Variants in PARD3B observed in about 807,000 individuals in gnomAD.
PARD3B encodes par-3 family cell polarity regulator beta, also known as partitioning defective 3 homolog B.
A neutral mutation model predicts 130.2 loss-of-function variants in PARD3B; 103 were observed. The observed-to-expected ratio is 0.79, with a 90% CI of 0.67 to 0.93. PARD3B has a LOEUF of 0.93. PARD3B is among the 40% of genes least tolerant of loss of function. The pLI is 0.00. For synonymous variants in PARD3B, 583 were observed against 553.2 expected, an observed-to-expected ratio of 1.05 and a Z score of -0.76; for missense variants, 1,609 against 1,499.2, an observed-to-expected ratio of 1.07 and a Z score of -1.21.
At chr2:204,676,936 G>C (rs892362070) in intron 1 of PARD3B, among the ~76,000 whole-genome samples, 11 of 152,110 alleles carry the variant, frequency 7.2e-5, no homozygotes, top group Admixed American at 6.5e-4. Flanking sequence ...CCAAAGTGCT[G>C]GGATTACAGG....
intron 1 of PARD3B, among the ~76,000 whole-genome samples, chr2:204,624,718 A>G (rs1219521566): frequency 6.6e-6 from 1 of 152,116 alleles, no homozygotes; most frequent in Admixed American, 6.6e-5. Flanking sequence ...TGGACAAAGG[A>G]CAGAATTTTC....
chr2:205,277,971 G>A (rs904168063), intron 16 of PARD3B, among the ~76,000 whole-genome samples: 2 of 152,110 alleles, frequency 1.3e-5, no homozygotes, highest in Non-Finnish European at 2.9e-5. Flanking sequence ...GAAAGAAAGG[G>A]CACTGGTACC....
chr2:204,829,464 T>G (rs1221089081), intron 2 of PARD3B, among the ~76,000 whole-genome samples: 2 of 152,190 alleles, frequency 1.3e-5, no homozygotes, highest in African/African-American at 4.8e-5. Context: ...GAGAGGGCAT[T>G]TTCTTTTCAT....
intron 15 of PARD3B, among the ~76,000 whole-genome samples, chr2:205,210,878 G>A (rs963014286): frequency 6.6e-6 from 1 of 152,056 alleles, no homozygotes; most frequent in Non-Finnish European, 1.5e-5. Flanking sequence ...AATTTCTAAA[G>A]TAAATATCAC....
intron 19 of PARD3B, among the ~76,000 whole-genome samples, chr2:205,402,911 T>C (rs1235019517): frequency 6.6e-6 from 1 of 152,172 alleles, no homozygotes; most frequent in Non-Finnish European, 1.5e-5. Context: ...TGCTATAGAA[T>C]TAATGACCAA....
chr2:205,264,997 A>G (rs946102712), intron 16 of PARD3B, among the ~76,000 whole-genome samples: 1 of 151,162 alleles, frequency 6.6e-6, no homozygotes, highest in Non-Finnish European at 1.5e-5. Flanking sequence ...GTTGGCATTA[A>G]TGCTGAAGTT....
intron 3 of PARD3B, among the ~76,000 whole-genome samples, chr2:205,003,028 A>T (rs1052876253): frequency 3.3e-5 from 5 of 152,200 alleles, no homozygotes; most frequent in East Asian, 1.9e-4. Context: ...ACTTAACAAG[A>T]CTGAGTTCCT....
intron 2 of PARD3B, among the ~76,000 whole-genome samples, chr2:204,878,061 A>G (rs1016082896): frequency 3.3e-5 from 5 of 152,188 alleles, no homozygotes; most frequent in African/African-American, 9.6e-5. Context: ...AATGTTATTT[A>G]CTTGCATCTA....
At chr2:204,961,160 A>G (rs1690711686) in intron 2 of PARD3B, among the ~76,000 whole-genome samples, 1 of 152,180 alleles carries the variant, frequency 6.6e-6, no homozygotes, top group African/African-American at 2.4e-5. Flanking sequence ...GTGGGAAAGT[A>G]TTAAAGGAGT....
intron 2 of PARD3B, among the ~76,000 whole-genome samples, chr2:204,724,075 G>C (rs1202835427): frequency 6.6e-6 from 1 of 152,082 alleles, no homozygotes; most frequent in East Asian, 1.9e-4. Flanking sequence ...TTCTTGGTCA[G>C]AAATTCCATA....
At chr2:205,290,360 A>C (rs936610431) in intron 16 of PARD3B, among the ~76,000 whole-genome samples, 1 of 152,224 alleles carries the variant, frequency 6.6e-6, no homozygotes, top group South Asian at 2.1e-4. Context: ...GGCAGCAAAG[A>C]AAATGGGAGG....
rs2036666957 is a variant in PARD3B, at chr2:204,678,579, T to TCGTCTC, written c.121-7599_121-7594dup. Among the ~76,000 whole-genome samples, 1 of 151,864 alleles carries TCGTCTC rather than the reference T, an allele frequency of 6.6e-6. No individual in the cohort carries two copies. Among genetic ancestry groups the TCGTCTC allele is most frequent in the Admixed American group, 6.6e-5 (1 of 15,260 alleles). On this transcript the variant is annotated intron_variant, in intron 1 of 22. Coordinates refer to ENST00000406610, the MANE Select transcript of PARD3B (RefSeq NM_001302769.2). This position sits in a 1 kb window ranked among gnomAD's most constrained non-coding sequence, Gnocchi z 4.2. ...TGAAGCCTGGCTGACTCCAGCCGGG[T>TCGTCTC]CGTCTCCGAAGTCGTGTGGTCTGAC... is the stretch of plus-strand genomic sequence containing the variant.
chr2:205,130,693 A>T (rs1389557531), intron 10 of PARD3B, among the ~76,000 whole-genome samples: 1 of 152,180 alleles, frequency 6.6e-6, no homozygotes, highest in African/African-American at 2.4e-5. Flanking sequence ...AGCTTAAAAA[A>T]TTTCAAATGT....
chr2:204,807,933 G>A (rs978683478), intron 2 of PARD3B, among the ~76,000 whole-genome samples: 5 of 151,774 alleles, frequency 3.3e-5, no homozygotes, highest in African/African-American at 4.8e-5. Context: ...ATAATTTATT[G>A]TACACTTAAA....
At chr2:205,439,335 C>G (rs1429243362) in intron 19 of PARD3B, among the ~76,000 whole-genome samples, 3 of 152,174 alleles carry the variant, frequency 2.0e-5, no homozygotes, top group Admixed American at 6.5e-5. Context: ...CCTGAGCCAG[C>G]ATCGTCTTAT....
intron 2 of PARD3B, among the ~76,000 whole-genome samples, chr2:204,777,761 C>G (rs575456257): frequency 6.6e-6 from 1 of 152,214 alleles, no homozygotes; most frequent in East Asian, 1.9e-4. Context: ...AAGTGAGCCA[C>G]TGTGATATGC....
intron 11 of PARD3B, among the ~76,000 whole-genome samples, chr2:205,166,797 A>G (rs1192433734): frequency 2.0e-5 from 3 of 152,174 alleles, no homozygotes; most frequent in African/African-American, 7.2e-5. Flanking sequence ...GCCCTATTCC[A>G]GGGAACATCT....
chr2:205,433,195 G>C (rs921771553), intron 19 of PARD3B, among the ~76,000 whole-genome samples: 1 of 152,160 alleles, frequency 6.6e-6, no homozygotes, highest in South Asian at 2.1e-4. Flanking sequence ...GGTATAAGTA[G>C]TATAATCAGC....
chr2:205,392,250 C>G (rs2045886174), intron 18 of PARD3B, among the ~76,000 whole-genome samples: 1 of 152,262 alleles, frequency 6.6e-6, no homozygotes, highest in Non-Finnish European at 1.5e-5. Context: ...TATAGGACCT[C>G]CCTGCTTTTT....
Sources: allele counts gnomAD v4.1 joint callset (sites outside exome capture counted in the v4.1 genomes callset), GRCh38; gene constraint gnomAD v4.1.1; non-coding constraint Gnocchi (gnomAD v3.1); transcripts MANE v1.5; gene names NCBI Gene and HGNC (gene_info 2026-07-23, HGNC 2026-07-21).